GPC5: variants seen among roughly 807,000 people sequenced by gnomAD.
GPC5 encodes the protein glypican-5.
GPC5 carries 47 observed loss-of-function variants against 53.9 expected under a neutral mutation model. The ratio of observed to expected loss-of-function variants is 0.87; its 90% CI spans 0.69 to 1.11. The LOEUF is 1.11. Among genes scored for constraint, GPC5 ranks in the 50% most tolerant of loss-of-function variants. GPC5 has a pLI of 0.00. For synonymous variants in GPC5, 286 were observed against 263.3 expected, an observed-to-expected ratio of 1.09 and a Z score of -0.84; for missense variants, 748 against 713.1, an observed-to-expected ratio of 1.05 and a Z score of -0.56.
intron 7 of GPC5, among the ~76,000 whole-genome samples, chr13:92,266,897 G>A (rs1332695277): frequency 1.4e-5 from 2 of 144,396 alleles, no homozygotes; most frequent in South Asian, 4.4e-4. Flanking sequence ...TTTTTTTTTT[G>A]TTAAATAAAA....
At chr13:92,132,712 C>T (rs1442781307) in intron 6 of GPC5, among the ~76,000 whole-genome samples, 1 of 152,002 alleles carries the variant, frequency 6.6e-6, no homozygotes, top group Non-Finnish European at 1.5e-5. Context: ...ACTTGATTAC[C>T]TCTGTAAAGA....
chr13:91,857,330 G>A lies in GPC5; in HGVS notation c.1281-50607G>A, dbSNP rs146019956. On this transcript the variant is annotated intron_variant, in intron 5 of 7. Coordinates refer to ENST00000377067, the MANE Select transcript of GPC5 (RefSeq NM_004466.6). ...TCTAATAACCAAATTGAAAACTGGC[G>A]TCTTAACATGATTGAGTCTTCTAAT... Among the ~76,000 whole-genome samples the A allele has an allele frequency of 3.0e-4, 45 of 151,386 alleles. No homozygotes were observed. The East Asian group carries it at 5.2e-3, about 18-fold the overall frequency.
chr13:91,832,298 C>A (rs1285941016), intron 5 of GPC5, among the ~76,000 whole-genome samples: 2 of 109,046 alleles, frequency 1.8e-5, no homozygotes, highest in African/African-American at 3.0e-5. Flanking sequence ...ATGCTTTTTT[C>A]TCTTTTTTTT....
At chr13:92,528,997 G>C (rs1190141376) in intron 7 of GPC5, among the ~76,000 whole-genome samples, 1 of 152,010 alleles carries the variant, frequency 6.6e-6, no homozygotes. Flanking sequence ...TACTGCACCA[G>C]TGTCAATCCA....
intron 5 of GPC5, among the ~76,000 whole-genome samples, chr13:91,763,739 T>A (rs2037464793): frequency 6.6e-6 from 1 of 152,142 alleles, no homozygotes; most frequent in Non-Finnish European, 1.5e-5. Context: ...TCTTGGTAGG[T>A]AATTTTTATT....
rs186193763 is a variant in GPC5 at position 92,329,970 on chromosome 13, A to T, written c.1561+184981A>T. 3.3e-5 allele frequency among the ~76,000 whole-genome samples: 5 copies of T among 152,146 alleles called. No individual in the cohort carries two copies. In the East Asian group the frequency reaches 9.7e-4, roughly 30 times the overall value. On this transcript the variant is annotated intron_variant, in intron 7 of 7. Transcript: ENST00000377067. ...TTTCACTTTTCCTTCTATGAAAGAA[A>T]ACACATTATGACTTTTAAGTTATAC...
intron 7 of GPC5, among the ~76,000 whole-genome samples, chr13:92,210,240 C>T (rs1181334133): frequency 1.3e-5 from 2 of 151,964 alleles, no homozygotes; most frequent in Non-Finnish European, 2.9e-5. Flanking sequence ...ATTGATGAGA[C>T]CCTATTTTAA....
intron 2 of GPC5, among the ~76,000 whole-genome samples, chr13:91,567,769 T>A (rs925404633): frequency 6.6e-6 from 1 of 152,190 alleles, no homozygotes; most frequent in African/African-American, 2.4e-5. Context: ...AACTCCACTT[T>A]AGAAAGCCTT....
intron 7 of GPC5, among the ~76,000 whole-genome samples, chr13:92,237,283 A>G (rs146066135): frequency 0.037 from 5,573 of 152,138 alleles, 354 homozygotes; most frequent in African/African-American, 0.12. Context: ...GCAGTGGCGT[A>G]ATCTCAGCTC....
chr13:91,825,162 AAG>A (rs2038557749), intron 5 of GPC5, among the ~76,000 whole-genome samples: 1 of 151,634 alleles, frequency 6.6e-6, no homozygotes, highest in Admixed American at 6.6e-5. Context: ...TAGAGAGAGA[AAG>A]AGAGAGACAG....
At chr13:92,440,829 G>A (rs576392606) in intron 7 of GPC5, among the ~76,000 whole-genome samples, 3 of 152,124 alleles carry the variant, frequency 2.0e-5, no homozygotes, top group Non-Finnish European at 4.4e-5. Context: ...GTTTCGATTT[G>A]CGTTTCTCTG....
intron 7 of GPC5, among the ~76,000 whole-genome samples, chr13:92,472,121 T>TCAAA: frequency 6.6e-6 from 1 of 152,124 alleles, no homozygotes; most frequent in African/African-American, 2.4e-5. Context: ...GGATTCTGAA[T>TCAAA]GATCAGGAAT....
chr13:91,786,945 C>CTTTTTTTTTTTTTTT (rs34996570), intron 5 of GPC5, among the ~76,000 whole-genome samples: 1 of 142,804 alleles, frequency 7.0e-6, no homozygotes. Flanking sequence ...AAGTGTTTCT[C>CTTTTTTTTTTTTTTT]TTTTTTTTTT....
intron 7 of GPC5, among the ~76,000 whole-genome samples, chr13:92,191,703 GT>G (rs1468346468): frequency 1.3e-5 from 2 of 152,130 alleles, no homozygotes; most frequent in African/African-American, 4.8e-5. Context: ...AAGCTATCAA[GT>G]TATGAGAAGA....
At chr13:91,678,235 G>T (rs2139715816) in intron 2 of GPC5, among the ~76,000 whole-genome samples, 1 of 152,266 alleles carries the variant, frequency 6.6e-6, no homozygotes, top group African/African-American at 2.4e-5. Context: ...TTGGCAATAC[G>T]ATCTAGCAGA....
At chr13:92,264,305 A>G (rs1322934248) in intron 7 of GPC5, among the ~76,000 whole-genome samples, 6 of 152,186 alleles carry the variant, frequency 3.9e-5, no homozygotes, top group Admixed American at 3.9e-4. Flanking sequence ...TATTTTTTAA[A>G]GACTATTATG....
intron 6 of GPC5, among the ~76,000 whole-genome samples, chr13:91,943,294 G>A (rs74106226): frequency 1.1e-3 from 160 of 151,918 alleles, no homozygotes; most frequent in African/African-American, 3.8e-3. Context: ...GTTATATCAT[G>A]TAGTGTATGT....
At chr13:92,693,201 C>A (rs1887463980) in intron 7 of GPC5, among the ~76,000 whole-genome samples, 1 of 151,974 alleles carries the variant, frequency 6.6e-6, no homozygotes, top group African/African-American at 2.4e-5. Context: ...TCAGGTAGTT[C>A]TTTATAGCAA....
At chr13:92,498,132 G>A (rs529221294) in intron 7 of GPC5, among the ~76,000 whole-genome samples, 1 of 152,124 alleles carries the variant, frequency 6.6e-6, no homozygotes, top group South Asian at 2.1e-4. Context: ...ACTTAGGGCA[G>A]GAATGAAAGG....
Sources: allele counts gnomAD v4.1 joint callset (sites outside exome capture counted in the v4.1 genomes callset), GRCh38; gene constraint gnomAD v4.1.1; transcripts MANE v1.5; gene names NCBI Gene and HGNC (gene_info 2026-07-23, HGNC 2026-07-21).